Variants in NCOA6 observed in about 807,000 individuals in gnomAD.
The protein encoded by NCOA6 is NRC RAP250.
A neutral mutation model predicts 171.4 loss-of-function variants in NCOA6; 49 were observed. That is an observed-to-expected ratio of 0.29 (90% CI 0.23 to 0.36). The LOEUF (loss-of-function observed/expected upper bound fraction) is 0.36. Among genes scored for constraint, NCOA6 ranks in the 10% least tolerant of loss-of-function variants. The probability of loss-of-function intolerance (pLI) is 1.00; values close to 1 mark genes in which losing one functional copy is unlikely to be tolerated. For missense variants in NCOA6, 2,248 were observed against 2,554.5 expected (o/e 0.88, Z 2.59); for synonymous variants, 910 against 927.5 (o/e 0.98, Z 0.34).
intron 2 of NCOA6, among the ~76,000 whole-genome samples, chr20:34,791,572 T>C (rs1488967836): frequency 1.3e-5 from 2 of 152,180 alleles, no homozygotes; most frequent in African/African-American, 4.8e-5. Flanking sequence ...CACAAAGCTC[T>C]TAAGTCTCAG....
At chr20:34,719,139 G>A (rs1332916697) in intron 14 of NCOA6, among the ~76,000 whole-genome samples, 1 of 152,044 alleles carries the variant, frequency 6.6e-6, no homozygotes, top group African/African-American at 2.4e-5. Flanking sequence ...CCTAATAAAG[G>A]GATTTGTTTT....
At chr20:34,788,971 T>C (rs1024748189) in intron 2 of NCOA6, among the ~76,000 whole-genome samples, 1 of 152,110 alleles carries the variant, frequency 6.6e-6, no homozygotes, top group African/African-American at 2.4e-5. Flanking sequence ...ATAAATCTCT[T>C]TAGCAGGTTG....
Position 34,741,276 on chromosome 20 carries a change from A to T in NCOA6, c.4980T>A (p.Phe1660Leu). The T allele has an allele frequency of 6.2e-7, 1 of 1,614,252 alleles. No homozygotes were observed. Among genetic ancestry groups the T allele is most frequent in the Non-Finnish European group, 8.5e-7 (1 of 1,180,048 alleles). Residue 1660 changes from phenylalanine to leucine, a missense_variant, in exon 11 of 15, where the codon TTT becomes TTA. By Grantham distance (22) the Phe-to-Leu change is conservative. Coordinates refer to ENST00000359003, the MANE Select transcript of NCOA6 (RefSeq NM_014071.5). ...CCTGAATTATTGAGGATGAATTGATAAAGACAGGTGTAATGAACTGAGGCC... is the reference window on the plus strand; with the variant it reads ...CCTGAATTATTGAGGATGAATTGATTAAGACAGGTGTAATGAACTGAGGCC... The part of the protein sequence containing the change: ...NARPQFITPV[F>L]INSSSIIQVM...
chr20:34,758,992 G>T, intron 5 of NCOA6, 59 bp from the exon 6 acceptor site: 1 of 1,536,690 alleles, frequency 6.5e-7, no homozygotes, highest in East Asian at 2.3e-5. Flanking sequence ...GTTTTTTAAT[G>T]AGTTATTTCA....
chr20:34,792,808 C>A (rs1359478850), intron 1 of NCOA6, among the ~76,000 whole-genome samples: 1 of 120,678 alleles, frequency 8.3e-6, no homozygotes, highest in Non-Finnish European at 1.6e-5. Flanking sequence ...GAGACAGGGT[C>A]TCACTCTGTC....
At position 34,815,259 on chromosome 20, in the gene NCOA6, C is replaced by T. The variant is rs181031149; in HGVS notation, c.-164+10213G>A. On this transcript the variant is annotated intron_variant, in intron 1 of 14. Transcript: ENST00000359003. ...GAGGTGGTGAACACCTGTAGTCCCA[C>T]GTGTTCACTCAGGAGACTGAGGTAA... Among the ~76,000 whole-genome samples the T allele has an allele frequency of 3.9e-3, 585 of 151,608 alleles. 3 individuals are homozygous for T. The highest frequency in any genetic ancestry group is 0.013 in the African/African-American group (548 of 41,336).
At chr20:34,797,135 A>G (rs868122195) in intron 1 of NCOA6, among the ~76,000 whole-genome samples, 3 of 152,260 alleles carry the variant, frequency 2.0e-5, no homozygotes, top group South Asian at 4.1e-4. Flanking sequence ...AACCTGGACC[A>G]TCAGCCAGCA....
At chr20:34,716,379 T>C (rs1280710877) in intron 14 of NCOA6, among the ~76,000 whole-genome samples, 1 of 152,218 alleles carries the variant, frequency 6.6e-6, no homozygotes, top group Non-Finnish European at 1.5e-5. Context: ...GGGAAATGAC[T>C]ATGTTTTGAT....
intron 1 of NCOA6, among the ~76,000 whole-genome samples, chr20:34,814,483 A>T (rs2078767635): frequency 6.6e-6 from 1 of 152,248 alleles, no homozygotes; most frequent in South Asian, 2.1e-4. Context: ...ACGTCAATAT[A>T]TTGCCAAATG....
In NCOA6 at chr20:34,792,543, C is replaced by G. The variant is rs1270218287; in HGVS notation, c.-143G>C. The G allele has an allele frequency of 7.5e-6, 3 of 398,386 alleles. No individual in the cohort carries two copies. Among genetic ancestry groups the G allele is most frequent in the Non-Finnish European group, 1.3e-5 (3 of 225,948 alleles). 24.7% of individuals were successfully genotyped at this position (398,386 alleles called of 1,614,324 possible). On this transcript the variant is annotated 5_prime_UTR_variant, in exon 2 of 15. Coordinates refer to ENST00000359003, the MANE Select transcript of NCOA6 (RefSeq NM_014071.5). ...TAGGGCTTGGATTTCAAGGTAGCAG[C>G]CCAGCAGCCAAATCAAAATTCTAAA... is the stretch of plus-strand genomic sequence containing the variant.
intron 1 of NCOA6, chr20:34,819,865 T>C (rs577110997): frequency 6.6e-6 from 1 of 152,308 alleles, no homozygotes; most frequent in East Asian, 1.9e-4. Flanking sequence ...AGGTTTTATT[T>C]GTCCAAGGTC....
At position 34,721,898 on chromosome 20, in the gene NCOA6, T is replaced by C. The variant is rs981651227; in HGVS notation, c.6148+5361A>G. ...TGGTGAGTCCTGTTTCTACAAAAAA[T>C]AAAGAATTTAGCTAGCCATGGTCAT... On this transcript the variant is annotated intron_variant, in intron 14 of 14. Transcript: ENST00000359003. Among the ~76,000 whole-genome samples the C allele has an allele frequency of 2.1e-5, 3 of 144,940 alleles. No individual in the cohort carries two copies. In the East Asian group the frequency reaches 6.3e-4, roughly 30 times the overall value.
Position 34,727,335 on chromosome 20 carries a change from AG to A in NCOA6, c.6071del (p.Thr2024MetfsTer28). 1 of 1,614,190 alleles carries A rather than the reference AG, an allele frequency of 6.2e-7. No individual in the cohort carries two copies. ...GRRNSRTEEP[T>X]VASESVENGH... is the part of the protein sequence containing the mutation. ...CATTTTCCACACTTTCAGAGGCCAC[AG>A]TTGGCTCTTCAGTTCGGGAGTTTCT... On this transcript the variant is annotated frameshift_variant, in exon 14 of 15. Transcript: ENST00000359003. LOFTEE classifies it high-confidence loss of function.
intron 5 of NCOA6, 109 bp from the exon 6 acceptor site, chr20:34,759,042 T>G (rs76379695): frequency 1.8e-5 from 19 of 1,054,192 alleles, no homozygotes; most frequent in African/African-American, 1.7e-4. Context: ...TTTTTTTTTT[T>G]GACAGGGTCT....
At chr20:34,776,873 C>A (rs1339229227) in intron 3 of NCOA6, 4 of 416,814 alleles carry the variant, frequency 9.6e-6, no homozygotes, top group Non-Finnish European at 9.3e-6. Flanking sequence ...AATCCCAGCA[C>A]TTCGGGAGGC....
intron 1 of NCOA6, among the ~76,000 whole-genome samples, chr20:34,804,878 CAAT>C (rs1164926963): frequency 3.3e-5 from 5 of 152,032 alleles, no homozygotes; most frequent in African/African-American, 1.2e-4. Context: ...TGAAAATATA[CAAT>C]AAATTATTTT....
intron 13 of NCOA6, 36 bp downstream of exon 13, chr20:34,732,523 G>A: frequency 6.2e-7 from 1 of 1,604,750 alleles, no homozygotes; most frequent in Non-Finnish European, 8.5e-7. Context: ...GGCTTATGCT[G>A]TGTTCATGCT....
intron 4 of NCOA6, among the ~76,000 whole-genome samples, chr20:34,771,198 G>T (rs2077139491): frequency 6.6e-6 from 1 of 152,184 alleles, no homozygotes; most frequent in Non-Finnish European, 1.5e-5. Flanking sequence ...GTTCACTGCA[G>T]CATTGACCTA....
At chr20:34,791,645 T>C (rs2077889793) in intron 2 of NCOA6, among the ~76,000 whole-genome samples, 4 of 152,202 alleles carry the variant, frequency 2.6e-5, no homozygotes, top group Middle Eastern at 3.2e-3. Context: ...CAAATGTCAG[T>C]GTCTTTAAGG....
Sources: gnomAD v4.1 joint callset for allele counts (sites outside exome capture counted in the v4.1 genomes callset) on GRCh38, gnomAD v4.1.1 for gene constraint, MANE v1.5 for transcripts, NCBI Gene and HGNC (gene_info 2026-07-23, HGNC 2026-07-21) for gene names.